SLC44A5: variants seen among roughly 807,000 people sequenced by gnomAD.
SLC44A5 encodes solute carrier family 44 member 5.
A neutral mutation model predicts 101.8 loss-of-function variants in SLC44A5; 57 were observed. The observed-to-expected ratio is 0.56, with a 90% CI of 0.45 to 0.70. The LOEUF (loss-of-function observed/expected upper bound fraction) is 0.70, where lower values mean the gene tolerates loss of function less well. Ranked by LOEUF, SLC44A5 falls within the 30% of genes least tolerant of loss-of-function variation. The pLI is 0.00. For synonymous variants in SLC44A5, 281 were observed against 290.9 expected (o/e 0.97, Z 0.35); for missense variants, 737 against 853.1 (o/e 0.86, Z 1.70).
chr1:75,319,179 C>T (rs114392980), intron 4 of SLC44A5, among the ~76,000 whole-genome samples: 256 of 152,144 alleles, frequency 1.7e-3, no homozygotes, highest in Middle Eastern at 0.014. Context: ...GTGTGCTTTG[C>T]GATACATTAA....
chr1:75,274,544 G>A (rs1478856371), intron 6 of SLC44A5, among the ~76,000 whole-genome samples: 3 of 152,074 alleles, frequency 2.0e-5, no homozygotes, highest in Admixed American at 1.3e-4. Context: ...CCCTTACTTC[G>A]AAAGGTGGAA....
rs150620799 is a variant in SLC44A5, at chr1:75,372,252, T to A, written c.52+24331A>T. ...AAGGAAAGAGCTTTTTCCCAGTGAG[T>A]CAGAGATCAAATGCATGTAAAATGT... is the stretch of plus-strand genomic sequence containing the variant. On this transcript the variant is annotated intron_variant, in intron 3 of 23. Transcript: ENST00000370859. 3.5e-4 allele frequency among the ~76,000 whole-genome samples: 51 copies of A among 147,704 alleles called. 2 individuals carry two copies. The East Asian group carries it at 1.0e-2, about 29-fold the overall frequency.
chr1:75,633,994 T>C, the SLC44A5 span, among the ~76,000 whole-genome samples: 1 of 151,964 alleles, frequency 6.6e-6, no homozygotes, highest in African/African-American at 2.4e-5. Flanking sequence ...GGTTTTTGTC[T>C]TTGGTTCTGT....
At chr1:75,370,086 G>C (rs1216690951) in intron 3 of SLC44A5, among the ~76,000 whole-genome samples, 5 of 152,228 alleles carry the variant, frequency 3.3e-5, no homozygotes, top group Admixed American at 2.6e-4. Flanking sequence ...TTTATTCAAT[G>C]AATAGGAAAA....
intron 13 of SLC44A5, among the ~76,000 whole-genome samples, chr1:75,226,725 AT>A (rs963504930): frequency 6.6e-5 from 10 of 151,568 alleles, no homozygotes; most frequent in African/African-American, 2.2e-4. Flanking sequence ...TATAAAGATG[AT>A]TTTTTTTTAA....
intron 1 of SLC44A5, among the ~76,000 whole-genome samples, chr1:75,591,481 A>G (rs370028411): frequency 2.0e-5 from 3 of 152,308 alleles, no homozygotes; most frequent in African/African-American, 7.2e-5. Context: ...TAATTTTTGC[A>G]TCTATGTTCA....
In SLC44A5 at chr1:75,380,181, C is replaced by T. The variant is rs371225227; in HGVS notation, c.52+16402G>A. ...TACAACAATTGTCCCCCGCCACAAG[C>T]GGCAGTGCAGCAGTAGATTTATGTA... On this transcript the variant is annotated intron_variant, in intron 3 of 23. Transcript: ENST00000370859. Among the ~76,000 whole-genome samples, 52 of 80,554 alleles carry T rather than the reference C, an allele frequency of 6.5e-4. 14 individuals carry two copies. Among genetic ancestry groups the T allele is most frequent in the East Asian group, 5.7e-3 (2 of 348 alleles). The allele number at this position is 80,554 out of a possible 152,430, so 52.8% of individuals were successfully genotyped here.
intron 2 of SLC44A5, among the ~76,000 whole-genome samples, chr1:75,410,470 T>C (rs1402609736): frequency 2.0e-5 from 3 of 152,164 alleles, no homozygotes; most frequent in African/African-American, 7.2e-5. Flanking sequence ...AAGACCCATG[T>C]GGTATCAACT....
chr1:75,325,229 C>T (rs1478714829), intron 4 of SLC44A5, among the ~76,000 whole-genome samples: 2 of 150,682 alleles, frequency 1.3e-5, no homozygotes, highest in Non-Finnish European at 3.0e-5. Context: ...GAGTAAAAGA[C>T]AGAAGAGGGC....
intron 3 of SLC44A5, among the ~76,000 whole-genome samples, chr1:75,375,245 G>A (rs1364511974): frequency 6.6e-6 from 1 of 152,192 alleles, no homozygotes; most frequent in Non-Finnish European, 1.5e-5. Flanking sequence ...AGACCAAGCT[G>A]AGGAAAGAAT....
chr1:75,682,013 A>G, the SLC44A5 span, among the ~76,000 whole-genome samples: 1 of 152,194 alleles, frequency 6.6e-6, no homozygotes. Context: ...AATTGCTTCA[A>G]AGAGAATAAA....
the SLC44A5 span, among the ~76,000 whole-genome samples, chr1:75,675,409 T>G: frequency 2.6e-5 from 4 of 152,198 alleles, no homozygotes; most frequent in Non-Finnish European, 4.4e-5. Context: ...TTTGGCTCTC[T>G]GCTCATCTGT....
At chr1:75,658,309 C>T in the SLC44A5 span, among the ~76,000 whole-genome samples, 1 of 152,046 alleles carries the variant, frequency 6.6e-6, no homozygotes, top group Non-Finnish European at 1.5e-5. Context: ...CTCCTTGGCT[C>T]AAGCAATCCT....
intron 2 of SLC44A5, among the ~76,000 whole-genome samples, chr1:75,413,970 C>G (rs1663453987): frequency 6.6e-6 from 1 of 152,118 alleles, no homozygotes; most frequent in African/African-American, 2.4e-5. Context: ...TATGTTCAAT[C>G]CCTAATACTA....
chr1:75,626,383 T>G, the SLC44A5 span, among the ~76,000 whole-genome samples: 1 of 152,112 alleles, frequency 6.6e-6, no homozygotes, highest in Non-Finnish European at 1.5e-5. Flanking sequence ...TCTCTCTCTC[T>G]CCTGCTAATA....
At chr1:75,630,354 G>C in the SLC44A5 span, among the ~76,000 whole-genome samples, 2 of 152,116 alleles carry the variant, frequency 1.3e-5, no homozygotes, top group Admixed American at 1.3e-4. Context: ...TCAAGTCTCA[G>C]AAACATTCAC....
chr1:75,320,079 T>C (rs2100953703), intron 4 of SLC44A5, among the ~76,000 whole-genome samples: 1 of 152,230 alleles, frequency 6.6e-6, no homozygotes, highest in African/African-American at 2.4e-5. Flanking sequence ...TAAAAATGTG[T>C]TTATTATACA....
chr1:75,430,109 C>T (rs1321226287), intron 2 of SLC44A5, among the ~76,000 whole-genome samples: 1 of 152,118 alleles, frequency 6.6e-6, no homozygotes, highest in African/African-American at 2.4e-5. Context: ...ACTTAATCCT[C>T]AGTGCAGCAG....
At chr1:75,590,904 G>C (rs1291645763) in intron 1 of SLC44A5, among the ~76,000 whole-genome samples, 1 of 152,160 alleles carries the variant, frequency 6.6e-6, no homozygotes, top group Non-Finnish European at 1.5e-5. Flanking sequence ...AAGGAGACAG[G>C]CTTTGCCACC....
Sources: allele counts gnomAD v4.1 joint callset (sites outside exome capture counted in the v4.1 genomes callset), GRCh38; gene constraint gnomAD v4.1.1; transcripts MANE v1.5; gene names NCBI Gene and HGNC (gene_info 2026-07-23, HGNC 2026-07-21).